GALNTL6: variants seen among roughly 807,000 people sequenced by gnomAD.
The protein encoded by GALNTL6 is polypeptide N-acetylgalactosaminyltransferase-like 6.
GALNTL6 carries 46 observed loss-of-function variants against 73.7 expected under a neutral mutation model. The observed-to-expected ratio is 0.62, with a 90% CI of 0.49 to 0.80. The LOEUF (loss-of-function observed/expected upper bound fraction) is 0.80. Among genes scored for constraint, GALNTL6 ranks in the 30% least tolerant of loss-of-function variants. The pLI is 0.00. For missense variants in GALNTL6, 604 were observed against 755.0 expected (o/e 0.80, Z 2.34); for synonymous variants, 259 against 263.7 (o/e 0.98, Z 0.17).
intron 5 of GALNTL6, among the ~76,000 whole-genome samples, chr4:172,440,926 TAA>T (rs1731814602): frequency 2.0e-5 from 3 of 152,162 alleles, no homozygotes; most frequent in South Asian, 2.1e-4. Flanking sequence ...TATAATTCAT[TAA>T]GTTTTATCTT....
At chr4:172,351,752 T>C (rs1463366351) in intron 5 of GALNTL6, among the ~76,000 whole-genome samples, 1 of 152,160 alleles carries the variant, frequency 6.6e-6, no homozygotes, top group Non-Finnish European at 1.5e-5. Flanking sequence ...ATAGGAATTC[T>C]GTTGGATTCC....
chr4:171,974,430 ACCACAAC>A (rs1739658938), intron 2 of GALNTL6, among the ~76,000 whole-genome samples: 1 of 152,172 alleles, frequency 6.6e-6, no homozygotes, highest in Non-Finnish European at 1.5e-5. Context: ...TTACCATATT[ACCACAAC>A]TGGTCCCTTG....
intron 5 of GALNTL6, among the ~76,000 whole-genome samples, chr4:172,418,992 G>A (rs763828183): frequency 2.0e-5 from 3 of 151,784 alleles, no homozygotes; most frequent in Admixed American, 6.6e-5. Flanking sequence ...TTTTCATATC[G>A]GAAGTTTTAC....
chr4:171,985,244 C>G (rs573589003), intron 2 of GALNTL6, among the ~76,000 whole-genome samples: 1 of 152,192 alleles, frequency 6.6e-6, no homozygotes. Flanking sequence ...CCACATTTTT[C>G]CTCACAATAA....
At chr4:171,832,408 A>T (rs926871378) in intron 2 of GALNTL6, among the ~76,000 whole-genome samples, 1 of 151,222 alleles carries the variant, frequency 6.6e-6, no homozygotes, top group African/African-American at 2.4e-5. Flanking sequence ...TCTACCTTTT[A>T]TTGTCTTGTT....
At chr4:172,446,761 C>G (rs1030713506) in intron 5 of GALNTL6, among the ~76,000 whole-genome samples, 1 of 152,106 alleles carries the variant, frequency 6.6e-6, no homozygotes, top group African/African-American at 2.4e-5. Flanking sequence ...AGCAGCAACA[C>G]TCATAGCCTT....
At chr4:172,687,497 G>A (rs986211168) in intron 5 of GALNTL6, among the ~76,000 whole-genome samples, 8 of 151,974 alleles carry the variant, frequency 5.3e-5, no homozygotes, top group East Asian at 3.9e-4. Context: ...GCACAGAGGC[G>A]TGTACCTGTA....
At chr4:172,188,139 A>G (rs1283986662) in intron 2 of GALNTL6, among the ~76,000 whole-genome samples, 1 of 152,212 alleles carries the variant, frequency 6.6e-6, no homozygotes, top group Non-Finnish European at 1.5e-5. Context: ...AAGTAGTTGT[A>G]TATGCCTATT....
At chr4:172,793,679 C>A (rs1233880674) in intron 5 of GALNTL6, among the ~76,000 whole-genome samples, 3 of 152,166 alleles carry the variant, frequency 2.0e-5, no homozygotes, top group Non-Finnish European at 4.4e-5. Context: ...AGACATAATT[C>A]TGCCCTTTAT....
At chr4:172,486,770 A>G (rs1733684383) in intron 5 of GALNTL6, among the ~76,000 whole-genome samples, 1 of 152,222 alleles carries the variant, frequency 6.6e-6, no homozygotes, top group African/African-American at 2.4e-5. Context: ...ACCTGCTGAA[A>G]TGCTCTTATG....
At chr4:172,081,546 G>A (rs5018669) in intron 2 of GALNTL6, among the ~76,000 whole-genome samples, 48,533 of 152,082 alleles carry the variant, frequency 0.32, 9,049 homozygotes, top group East Asian at 0.52. Flanking sequence ...ACTGAGGCAG[G>A]ATAATCACTT....
intron 5 of GALNTL6, among the ~76,000 whole-genome samples, chr4:172,471,608 A>G (rs1438442765): frequency 6.6e-6 from 1 of 152,170 alleles, no homozygotes; most frequent in African/African-American, 2.4e-5. Context: ...GTAGTGATCT[A>G]GGAATGATCT....
intron 10 of GALNTL6, among the ~76,000 whole-genome samples, chr4:172,961,000 G>A (rs1330148086): frequency 2.1e-5 from 3 of 140,982 alleles, no homozygotes; most frequent in South Asian, 2.5e-4. Context: ...GGGGAGAAGG[G>A]GTTGGGGGGT....
intron 4 of GALNTL6, among the ~76,000 whole-genome samples, chr4:172,313,618 TA>T (rs1409266780): frequency 6.6e-6 from 1 of 151,978 alleles, no homozygotes; most frequent in Non-Finnish European, 1.5e-5. Context: ...TGGAAAGATG[TA>T]AAAAAAATTC....
chr4:172,425,940 GA>G (rs1392163942), intron 5 of GALNTL6, among the ~76,000 whole-genome samples: 1 of 151,996 alleles, frequency 6.6e-6, no homozygotes, highest in African/African-American at 2.4e-5. Flanking sequence ...TGTGTAATTT[GA>G]AAATAAAGTA....
intron 5 of GALNTL6, among the ~76,000 whole-genome samples, chr4:172,631,052 A>T (rs10005831): frequency 6.6e-6 from 1 of 151,854 alleles, no homozygotes; most frequent in Non-Finnish European, 1.5e-5. Flanking sequence ...ATGAAACATC[A>T]ACCAATGAAA....
intron 4 of GALNTL6, among the ~76,000 whole-genome samples, chr4:172,324,263 T>C (rs1411344789): frequency 1.3e-5 from 2 of 151,938 alleles, no homozygotes; most frequent in Admixed American, 6.6e-5. Flanking sequence ...TTGAATAATA[T>C]GATAGAGTCA....
intron 10 of GALNTL6, among the ~76,000 whole-genome samples, chr4:172,958,705 A>G (rs1749881780): frequency 6.6e-6 from 1 of 152,180 alleles, no homozygotes; most frequent in Non-Finnish European, 1.5e-5. Flanking sequence ...TTTGGGCTTG[A>G]CTGAAGTAAT....
At chr4:172,619,119 T>TA (rs1361168669) in intron 5 of GALNTL6, among the ~76,000 whole-genome samples, 1 of 152,160 alleles carries the variant, frequency 6.6e-6, no homozygotes, top group Non-Finnish European at 1.5e-5. Flanking sequence ...GTCTTTTTTT[T>TA]ATTTTTAATA....
Sources: gnomAD v4.1 joint callset for allele counts (sites outside exome capture counted in the v4.1 genomes callset) on GRCh38, gnomAD v4.1.1 for gene constraint, MANE v1.5 for transcripts, NCBI Gene and HGNC (gene_info 2026-07-23, HGNC 2026-07-21) for gene names.